CAMTA1: variants seen among roughly 807,000 people sequenced by gnomAD.
CAMTA1 encodes calmodulin-binding transcription activator 1.
CAMTA1 carries 27 observed loss-of-function variants against 170.9 expected under a neutral mutation model. The observed-to-expected ratio is 0.16, with a 90% CI of 0.12 to 0.22. The LOEUF (loss-of-function observed/expected upper bound fraction) is 0.22. CAMTA1 is among the 10% of genes least tolerant of loss of function. CAMTA1 has a pLI of 1.00. For missense variants in CAMTA1, 1,619 were observed against 2,217.2 expected, an observed-to-expected ratio of 0.73 and a Z score of 5.42; for synonymous variants, 833 against 891.5, an observed-to-expected ratio of 0.93 and a Z score of 1.17.
chr1:7,670,165 A>G (rs533515174), intron 9 of CAMTA1, among the ~76,000 whole-genome samples: 1 of 152,294 alleles, frequency 6.6e-6, no homozygotes, highest in South Asian at 2.1e-4. Flanking sequence ...GTGGGACCCC[A>G]GGCTAGCTGT....
chr1:7,655,285 C>CGCACAA (rs2095886080), intron 7 of CAMTA1, among the ~76,000 whole-genome samples: 1 of 133,816 alleles, frequency 7.5e-6, no homozygotes, highest in Non-Finnish European at 1.6e-5. Context: ...CACCGTTATA[C>CGCACAA]ACACACACAC....
At chr1:7,214,718 T>C (rs1659441065) in intron 4 of CAMTA1, among the ~76,000 whole-genome samples, 1 of 152,196 alleles carries the variant, frequency 6.6e-6, no homozygotes, top group Admixed American at 6.5e-5. Context: ...CTTTTATATG[T>C]TGTGCTTTAG....
At chr1:7,644,771 C>A (rs1346569570) in intron 7 of CAMTA1, among the ~76,000 whole-genome samples, 1 of 152,204 alleles carries the variant, frequency 6.6e-6, no homozygotes, top group Non-Finnish European at 1.5e-5. Flanking sequence ...GCAAGAGAGT[C>A]TGGGAAGTGT....
chr1:7,621,198 G>A (rs2095596052), intron 6 of CAMTA1, among the ~76,000 whole-genome samples: 1 of 152,194 alleles, frequency 6.6e-6, no homozygotes, highest in Non-Finnish European at 1.5e-5. Flanking sequence ...CTCTCATAGG[G>A]GCAACTAGAG....
chr1:7,294,202 G>C lies in CAMTA1; in HGVS notation c.438+44576G>C, dbSNP rs573542165. Among the ~76,000 whole-genome samples the C allele has an allele frequency of 5.1e-4, 78 of 152,314 alleles. 1 individual carries two copies. In the South Asian group the frequency reaches 0.015, roughly 28 times the overall value. Reference sequence around the variant, plus strand: ...CAAGGTGGCAGGAGGCTCCCTCGGTGGTTTGTGGTGGGGCTGTTCTGTTCA... The same window carrying C: ...CAAGGTGGCAGGAGGCTCCCTCGGTCGTTTGTGGTGGGGCTGTTCTGTTCA... On this transcript the variant is annotated intron_variant, in intron 5 of 22. Coordinates refer to ENST00000303635, the MANE Select transcript of CAMTA1 (RefSeq NM_015215.4).
At chr1:7,648,632 G>A (rs868808460) in intron 7 of CAMTA1, among the ~76,000 whole-genome samples, 2 of 152,282 alleles carry the variant, frequency 1.3e-5, no homozygotes, top group Non-Finnish European at 2.9e-5. Flanking sequence ...GAGTGAGCTC[G>A]GGCCCCCCAG....
At chr1:7,095,911 G>A (rs999037870) in intron 4 of CAMTA1, among the ~76,000 whole-genome samples, 1 of 152,060 alleles carries the variant, frequency 6.6e-6, no homozygotes, top group East Asian at 1.9e-4. Context: ...TGCTCCCCTG[G>A]GAAATACGCA....
At chr1:7,097,075 C>T (rs893645391) in intron 4 of CAMTA1, among the ~76,000 whole-genome samples, 2 of 152,206 alleles carry the variant, frequency 1.3e-5, no homozygotes, top group African/African-American at 4.8e-5. Context: ...ATCTGGTCTG[C>T]CTCTTCCTGG....
At chr1:7,593,647 G>A (rs1391373463) in intron 6 of CAMTA1, among the ~76,000 whole-genome samples, 5 of 151,474 alleles carry the variant, frequency 3.3e-5, no homozygotes, top group Admixed American at 6.6e-5. Context: ...GCACTATCAC[G>A]CCTGGCTAAC....
Position 7,113,576 on chromosome 1 carries a change from ACAT to A in CAMTA1, c.302+22209_302+22211del, listed in dbSNP as rs1242629990. On this transcript the variant is annotated intron_variant, in intron 4 of 22. Coordinates refer to ENST00000303635, the MANE Select transcript of CAMTA1 (RefSeq NM_015215.4). The surrounding 1 kb of genome is among the most constrained non-coding windows in gnomAD (Gnocchi z 4.5). ...AGTGCCTATTTATTCATGGCATTTC[ACAT>A]CATAAGAGAGTTAAAGAGTTTGTGG... Among the ~76,000 whole-genome samples, 3 of 152,226 alleles carry A rather than the reference ACAT, an allele frequency of 2.0e-5. No individual in the cohort carries two copies. Among genetic ancestry groups the A allele is most frequent in the African/African-American group, 7.2e-5 (3 of 41,458 alleles).
Position 7,092,443 on chromosome 1 carries a change from T to G in CAMTA1, c.302+1072T>G, listed in dbSNP as rs770055139. On this transcript the variant is annotated intron_variant, in intron 4 of 22. Coordinates refer to ENST00000303635, the MANE Select transcript of CAMTA1 (RefSeq NM_015215.4). The surrounding 1 kb of genome is among the most constrained non-coding windows in gnomAD (Gnocchi z 5.0). Reference sequence around the variant, plus strand: ...TGAGATATTTACTGGTTAGCATCTTTTAGGTGAGGGCACAATCCTCCCCTT... The same window carrying G: ...TGAGATATTTACTGGTTAGCATCTTGTAGGTGAGGGCACAATCCTCCCCTT... Among the ~76,000 whole-genome samples the G allele has an allele frequency of 2.0e-5, 3 of 152,194 alleles. No individual in the cohort carries two copies. Among genetic ancestry groups the G allele is most frequent in the Non-Finnish European group, 2.9e-5 (2 of 68,026 alleles).
At chr1:6,850,827 T>C (rs549710154) in intron 3 of CAMTA1, among the ~76,000 whole-genome samples, 46 of 152,252 alleles carry the variant, frequency 3.0e-4, no homozygotes, top group Non-Finnish European at 6.3e-4. Flanking sequence ...TTGGCTCAGA[T>C]CAGGGAGCAG....
chr1:7,631,278 G>A (rs1455989074), intron 6 of CAMTA1, among the ~76,000 whole-genome samples: 1 of 152,148 alleles, frequency 6.6e-6, no homozygotes, highest in Non-Finnish European at 1.5e-5. Context: ...ACATGAACTG[G>A]GCTGCTGCCA....
At chr1:7,439,260 C>T (rs1185373595) in intron 5 of CAMTA1, among the ~76,000 whole-genome samples, 30 of 152,152 alleles carry the variant, frequency 2.0e-4, no homozygotes, top group Admixed American at 2.0e-3. Flanking sequence ...CTGCCACTGA[C>T]CCCTCCTAGG....
intron 1 of CAMTA1, among the ~76,000 whole-genome samples, chr1:6,791,345 C>T (rs1179384211): frequency 6.6e-6 from 1 of 152,096 alleles, no homozygotes; most frequent in Non-Finnish European, 1.5e-5. Context: ...TCTTGTTTCC[C>T]TAAGAATAGG....
intron 3 of CAMTA1, among the ~76,000 whole-genome samples, chr1:6,967,624 A>G (rs1691788612): frequency 6.6e-6 from 1 of 152,178 alleles, no homozygotes; most frequent in Non-Finnish European, 1.5e-5. Context: ...TTCCTGCCTC[A>G]CATCCGCTCC....
intron 7 of CAMTA1, among the ~76,000 whole-genome samples, chr1:7,645,180 C>A (rs888162390): frequency 3.3e-5 from 5 of 152,206 alleles, no homozygotes; most frequent in Non-Finnish European, 7.3e-5. Context: ...ACTGCTCTGC[C>A]AGGCAGGCTC....
intron 3 of CAMTA1, among the ~76,000 whole-genome samples, chr1:7,049,881 G>C (rs1706033083): frequency 6.6e-6 from 1 of 152,194 alleles, no homozygotes; most frequent in African/African-American, 2.4e-5. Flanking sequence ...GGTTAAAGCA[G>C]CCCAGAGTCT....
At chr1:7,062,856 C>T (rs932815830) in intron 3 of CAMTA1, among the ~76,000 whole-genome samples, 1 of 152,202 alleles carries the variant, frequency 6.6e-6, no homozygotes, top group Non-Finnish European at 1.5e-5. Flanking sequence ...GCTTCACTCC[C>T]GTCCCTGCTC....
Sources: gnomAD v4.1 joint callset for allele counts (sites outside exome capture counted in the v4.1 genomes callset) on GRCh38, gnomAD v4.1.1 for gene constraint, Gnocchi (gnomAD v3.1) non-coding constraint, MANE v1.5 for transcripts, NCBI Gene and HGNC (gene_info 2026-07-23, HGNC 2026-07-21) for gene names.